Variants in HDAC4 observed in about 807,000 individuals in gnomAD.
The protein encoded by HDAC4 is histone deacetylase 4, also known as histone deacetylase A.
HDAC4 carries 16 observed loss-of-function variants against 135.1 expected under a neutral mutation model. That is an observed-to-expected ratio of 0.12 (90% CI 0.08 to 0.18). The LOEUF (loss-of-function observed/expected upper bound fraction) is 0.18, where lower values mean the gene tolerates loss of function less well. HDAC4 is among the 10% of genes least tolerant of loss of function. The pLI, the probability that HDAC4 is intolerant of heterozygous loss-of-function variation, is 1.00. For missense variants in HDAC4, 1,143 were observed against 1,511.8 expected (o/e 0.76, Z 4.05); for synonymous variants, 685 against 653.4 (o/e 1.05, Z -0.74).
rs73098754 is a variant in HDAC4, at chr2:239,244,167, T to C, written c.23-7503A>G. 7.5e-3 allele frequency among the ~76,000 whole-genome samples: 1,144 copies of C among 152,188 alleles called. 17 individuals are homozygous for C. Among genetic ancestry groups the C allele is most frequent in the African/African-American group, 0.025 (1,041 of 41,512 alleles). ...CCGAACTTCATGGGCAACGGCAGAG[T>C]TCCCATGGTTTAAAGAAAGAGCTTA... On this transcript the variant is annotated intron_variant, in intron 2 of 26. Coordinates refer to ENST00000543185, the MANE Select transcript of HDAC4 (RefSeq NM_001378414.1).
chr2:239,381,703 T>C (rs1559398176), intron 1 of HDAC4, among the ~76,000 whole-genome samples: 1 of 152,176 alleles, frequency 6.6e-6, no homozygotes, highest in Admixed American at 6.5e-5. Context: ...CCAATGACAT[T>C]TGCGACGGAC....
In HDAC4 at chr2:239,303,062, G is replaced by A. The variant is rs746083965; in HGVS notation, c.22+49616C>T. Among the ~76,000 whole-genome samples, 75 of 152,154 alleles carry A rather than the reference G, an allele frequency of 4.9e-4. No individual in the cohort carries two copies. The highest frequency in any genetic ancestry group is 9.0e-4 in the Non-Finnish European group (61 of 68,028). On this transcript the variant is annotated intron_variant, in intron 2 of 26. Transcript: ENST00000543185. This position sits in a 1 kb window ranked among gnomAD's most constrained non-coding sequence, Gnocchi z 5.1. ...CTCAAACCCCCCCCGGGTGGGAGAGGTCATCACCTCCGCGTACTGAACAGA... is the reference window on the plus strand; with the variant it reads ...CTCAAACCCCCCCCGGGTGGGAGAGATCATCACCTCCGCGTACTGAACAGA...
At chr2:239,103,019 A>T in intron 15 of HDAC4, 123 bp from the exon 16 acceptor site, 2 of 1,212,156 alleles carry the variant, frequency 1.6e-6, no homozygotes, top group South Asian at 2.6e-5. Context: ...AAAAACAAGC[A>T]TGTTATTTGG....
chr2:239,205,359 T>C lies in HDAC4; in HGVS notation c.95-15282A>G, dbSNP rs557020141. Among the ~76,000 whole-genome samples, 26 of 151,508 alleles carry C rather than the reference T, an allele frequency of 1.7e-4. No homozygotes were observed. The East Asian group carries it at 3.7e-3, about 22-fold the overall frequency. On this transcript the variant is annotated intron_variant, in intron 3 of 26. Transcript: ENST00000543185. ...ACAGAGTTCAGAAGACCCCGCAATATGGGCAACGTTATCCAACAAAGGAAA... is the reference window on the plus strand; with the variant it reads ...ACAGAGTTCAGAAGACCCCGCAATACGGGCAACGTTATCCAACAAAGGAAA...
At chr2:239,073,291 T>C (rs1164947776) in intron 22 of HDAC4, among the ~76,000 whole-genome samples, 5 of 152,198 alleles carry the variant, frequency 3.3e-5, no homozygotes. Flanking sequence ...TAGAAAGTGC[T>C]TTCCAAGGAC....
chr2:239,194,920 T>C (rs2045270269), intron 3 of HDAC4, among the ~76,000 whole-genome samples: 1 of 152,178 alleles, frequency 6.6e-6, no homozygotes. Context: ...GAGAGGCAAG[T>C]TACTCCTCGC....
chr2:239,205,609 A>G (rs1004496133), intron 3 of HDAC4, among the ~76,000 whole-genome samples: 2 of 152,160 alleles, frequency 1.3e-5, no homozygotes, highest in African/African-American at 4.8e-5. Flanking sequence ...AAAGGTGAGC[A>G]AAGAACTGGG....
intron 2 of HDAC4, among the ~76,000 whole-genome samples, chr2:239,327,759 G>A (rs1302851892): frequency 6.6e-6 from 1 of 152,150 alleles, no homozygotes; most frequent in African/African-American, 2.4e-5. Context: ...TGCCCTGCAG[G>A]CCCTCGGAAA....
intron 12 of HDAC4, among the ~76,000 whole-genome samples, chr2:239,119,588 G>A (rs1475919372): frequency 1.3e-5 from 2 of 151,628 alleles, no homozygotes; most frequent in Admixed American, 6.6e-5. Context: ...AAGGGGAACG[G>A]AGCTCAGGGC....
At chr2:239,224,338 G>C (rs2047127289) in intron 3 of HDAC4, among the ~76,000 whole-genome samples, 2 of 152,154 alleles carry the variant, frequency 1.3e-5, no homozygotes, top group South Asian at 4.1e-4. Flanking sequence ...TCCGATGCCT[G>C]TCCCACGTGG....
chr2:239,138,029 A>G (rs908023636), intron 9 of HDAC4, among the ~76,000 whole-genome samples: 1 of 152,244 alleles, frequency 6.6e-6, no homozygotes, highest in Non-Finnish European at 1.5e-5. Context: ...CTCATTTTAA[A>G]TAAAAACATG....
intron 24 of HDAC4, among the ~76,000 whole-genome samples, chr2:239,061,235 G>A (rs185814817): frequency 9.2e-5 from 14 of 152,062 alleles, no homozygotes; most frequent in African/African-American, 3.1e-4. Flanking sequence ...GTGTGCACGT[G>A]AGACTGTGTG....
At chr2:239,266,578 C>T (rs2049744233) in intron 2 of HDAC4, among the ~76,000 whole-genome samples, 1 of 152,208 alleles carries the variant, frequency 6.6e-6, no homozygotes, top group Non-Finnish European at 1.5e-5. Context: ...ACCTTTGCTC[C>T]CTCTGGGAAA....
chr2:239,280,705 A>G (rs1452252373), intron 2 of HDAC4, among the ~76,000 whole-genome samples: 1 of 152,090 alleles, frequency 6.6e-6, no homozygotes, highest in East Asian at 1.9e-4. Context: ...AGGGGATGGC[A>G]AACTCCATCC....
At chr2:239,183,013 C>T (rs2044251451) in intron 4 of HDAC4, among the ~76,000 whole-genome samples, 1 of 152,228 alleles carries the variant, frequency 6.6e-6, no homozygotes, top group African/African-American at 2.4e-5. Context: ...TAGTCCCTCG[C>T]TAACTTTACA....
chr2:239,084,640 C>T (rs578192350), intron 19 of HDAC4, among the ~76,000 whole-genome samples: 72 of 150,428 alleles, frequency 4.8e-4, no homozygotes, highest in Admixed American at 9.2e-4. Flanking sequence ...CAGAGACACA[C>T]GTACACCCCA....
intron 2 of HDAC4, among the ~76,000 whole-genome samples, chr2:239,281,270 CACAA>C (rs2050721867): frequency 7.4e-6 from 1 of 135,210 alleles, no homozygotes; most frequent in Non-Finnish European, 1.6e-5. Context: ...CCACTCTACA[CACAA>C]TGAACACACC....
chr2:239,336,540 C>T (rs1691951461), intron 2 of HDAC4, among the ~76,000 whole-genome samples: 1 of 152,166 alleles, frequency 6.6e-6, no homozygotes, highest in African/African-American at 2.4e-5. Context: ...AAAGGAAAAA[C>T]TGTAAAAGCT....
intron 5 of HDAC4, among the ~76,000 whole-genome samples, chr2:239,164,469 C>T (rs944827912): frequency 6.6e-6 from 1 of 152,236 alleles, no homozygotes; most frequent in African/African-American, 2.4e-5. Context: ...AGAGTGACTG[C>T]ACCAAGTGGG....
Sources: gnomAD v4.1 joint callset for allele counts (sites outside exome capture counted in the v4.1 genomes callset) on GRCh38, gnomAD v4.1.1 for gene constraint, Gnocchi (gnomAD v3.1) non-coding constraint, MANE v1.5 for transcripts, NCBI Gene and HGNC (gene_info 2026-07-23, HGNC 2026-07-21) for gene names.